Variants in DRP2 observed in about 807,000 individuals in gnomAD.
The protein encoded by DRP2 is dystrophin-related protein 2.
A neutral mutation model predicts 78.2 loss-of-function variants in DRP2; 29 were observed. The ratio of observed to expected loss-of-function variants is 0.37; its 90% CI spans 0.28 to 0.51. The LOEUF is 0.51. Among genes scored for constraint, DRP2 ranks in the 20% least tolerant of loss-of-function variants. The pLI, the probability that DRP2 is intolerant of heterozygous loss-of-function variation, is 0.94. For synonymous variants in DRP2, 290 were observed against 281.9 expected (o/e 1.03, Z -0.29); for missense variants, 686 against 770.6 (o/e 0.89, Z 1.30).
chrX:101,221,768 T>A (rs1921901424), intron 1 of DRP2, among the ~76,000 whole-genome samples: 1 of 111,925 alleles, frequency 8.9e-6, no homozygotes, highest in Non-Finnish European at 1.9e-5. Context: ...TGCTCAGAAG[T>A]TTCTGATGTT....
chrX:101,247,292 G>A, intron 12 of DRP2, 128 bp downstream of exon 12: 1 of 553,745 alleles, frequency 1.8e-6, no homozygotes, highest in Non-Finnish European at 2.9e-6. Context: ...ACTCTCCAAA[G>A]CCTGCAATAT....
Position 101,262,031 on chromosome X carries a change from T to C in DRP2, c.*1410T>C, listed in dbSNP as rs958543185. On this transcript the variant is annotated 3_prime_UTR_variant, in exon 24 of 24. Coordinates refer to ENST00000395209, the MANE Select transcript of DRP2 (RefSeq NM_001939.3). Reference sequence around the variant, plus strand: ...ATTCTACATATCTACTGTACATCAGTGCTCTCCTGGCCTCACTCACACATT... The same window carrying C: ...ATTCTACATATCTACTGTACATCAGCGCTCTCCTGGCCTCACTCACACATT... 9 of 112,199 alleles carry C rather than the reference T, an allele frequency of 8.0e-5. No individual in the cohort carries two copies. Among genetic ancestry groups the C allele is most frequent in the African/African-American group, 2.6e-4 (8 of 30,866 alleles). 9.2% of individuals were successfully genotyped at this position (112,199 alleles called of 1,213,427 possible). A position where few individuals can be genotyped will look rare whatever the true frequency, so the allele number is the denominator to read the frequency against.
intron 9 of DRP2, 55 bp from the exon 10 acceptor site, chrX:101,244,962 G>A (rs2147343633): frequency 9.2e-7 from 1 of 1,085,656 alleles, no homozygotes; most frequent in Non-Finnish European, 1.3e-6. Context: ...AGTAGCTGGG[G>A]GCCTTAAGAG....
intron 20 of DRP2, among the ~76,000 whole-genome samples, chrX:101,255,493 G>A (rs982056067): frequency 9.0e-6 from 1 of 111,531 alleles, no homozygotes; most frequent in African/African-American, 3.3e-5. Context: ...GTCCCTTCCT[G>A]TTGCAAGATC....
chrX:101,248,201 T>C lies in DRP2; in HGVS notation c.1365T>C (p.Tyr455=). ...VEVIHCLTAL[Y]ERLEEERGIL... ...TCATTCACTGCCTGACTGCCTTATA[T>C]GAACGTTTGGAGGAGGAAAGAGGCA... The change falls in exon 13 of 24, where the codon TAT becomes TAC. Residue 455 remains tyrosine (Y), a synonymous_variant. Transcript: ENST00000395209. The C allele has an allele frequency of 8.3e-7, 1 of 1,211,959 alleles. No individual in the cohort carries two copies. The highest frequency in any genetic ancestry group is 1.8e-5 in the South Asian group (1 of 56,989).
chrX:101,245,275 C>A, intron 10 of DRP2, 113 bp from the exon 11 acceptor site: 1 of 883,711 alleles, frequency 1.1e-6, no homozygotes, highest in Non-Finnish European at 1.6e-6. Context: ...TGGGTTTACC[C>A]TCGAACCCTG....
At chrX:101,237,829 C>A (rs1922567578) in intron 5 of DRP2, 54 bp downstream of exon 5, 3 of 1,039,814 alleles carry the variant, frequency 2.9e-6, no homozygotes, top group Admixed American at 6.3e-5. Context: ...GGGGAGGAAT[C>A]CCTTCTTCAG....
At chrX:101,247,196 TCAC>T in intron 12 of DRP2, 32 bp downstream of exon 12, 1 of 1,131,409 alleles carries the variant, frequency 8.8e-7, no homozygotes, top group Non-Finnish European at 1.2e-6. Context: ...CCTATGACGT[TCAC>T]CACCCCTCTC....
In DRP2 at chrX:101,247,153, A is replaced by C; in HGVS notation, c.1241A>C (p.Lys414Thr). 1.7e-6 allele frequency: 2 copies of C among 1,209,253 alleles called. No homozygotes were observed. Reference sequence around the variant, plus strand: ...GCCATGAAACTCCGCAGAGTCCAGAAAGCCCTGCGCTGTACGTCTCCTGTT... The same window carrying C: ...GCCATGAAACTCCGCAGAGTCCAGACAGCCCTGCGCTGTACGTCTCCTGTT... ...RTAMKLRRVQKALRLDLVTLT... is the reference protein window; with the variant it reads ...RTAMKLRRVQTALRLDLVTLT... Residue 414 changes from lysine (K) to threonine (T), a missense_variant, in exon 12 of 24, where the codon AAA becomes ACA. By Grantham distance (78) the Lys-to-Thr change is moderately conservative. Around this residue, in one of 2 missense-constraint regions of DRP2, gnomAD observed 423 missense variants for 531.5 expected, o/e 0.80. Coordinates refer to ENST00000395209, the MANE Select transcript of DRP2 (RefSeq NM_001939.3).
intron 2 of DRP2, 49 bp from the exon 3 acceptor site, chrX:101,231,536 T>C: frequency 1.5e-6 from 1 of 685,551 alleles, no homozygotes; most frequent in Non-Finnish European, 2.4e-6. Flanking sequence ...GCTTGATTCA[T>C]AGGCTTTTCT....
chrX:101,224,186 T>TGTTTTG (rs1569507487), intron 1 of DRP2, among the ~76,000 whole-genome samples: 1 of 70,318 alleles, frequency 1.4e-5, no homozygotes, highest in African/African-American at 6.5e-5. Flanking sequence ...TGCTGGGTTT[T>TGTTTTG]TTTTGTTTTT....
At chrX:101,260,247 G>A in intron 23 of DRP2, 78 bp downstream of exon 23, 1 of 1,159,052 alleles carries the variant, frequency 8.6e-7, no homozygotes, top group Non-Finnish European at 1.2e-6. Flanking sequence ...AGGCTTTGCG[G>A]GGCTGGGACT....
Position 101,248,577 on chromosome X carries a change from G to A in DRP2, c.1518G>A (p.Thr506=), listed in dbSNP as rs767721315. 2.5e-6 allele frequency: 3 copies of A among 1,210,252 alleles called. No individual in the cohort carries two copies. The highest frequency in any genetic ancestry group is 1.7e-5 in the African/African-American group (1 of 57,402). Residue 506 remains threonine (T), a synonymous_variant, in exon 14 of 24, where the codon ACG becomes ACA. Coordinates refer to ENST00000395209, the MANE Select transcript of DRP2 (RefSeq NM_001939.3). ...CTGGCATTGCATGCTTGTGTGGCAC[G>A]GAAGTGAAGGAAAAACTTCAGTGTG... ...FKTGIACLCG[T]EVKEKLQYLF...
At chrX:101,224,192 T>G (rs1220236399) in intron 1 of DRP2, among the ~76,000 whole-genome samples, 1 of 21,524 alleles carries the variant, frequency 4.6e-5, no homozygotes, top group South Asian at 2.7e-3. Context: ...GTTTTTTTTG[T>G]TTTTTTTTTT....
In DRP2 at chrX:101,261,386, G is replaced by A. The variant is rs1306464385; in HGVS notation, c.*765G>A. 2 of 109,773 alleles carry A rather than the reference G, an allele frequency of 1.8e-5. No homozygotes were observed. Among genetic ancestry groups the A allele is most frequent in the African/African-American group, 6.7e-5 (2 of 30,073 alleles). 9.0% of individuals were successfully genotyped at this position (109,773 alleles called of 1,213,427 possible). A position where few individuals can be genotyped will look rare whatever the true frequency, so the allele number is the denominator to read the frequency against. ...TATTTCTTAAAGTCCTCAGCATTTT[G>A]AGAGACCCACTGAGTTGCGAGTTGC... On this transcript the variant is annotated 3_prime_UTR_variant, in exon 24 of 24. Transcript: ENST00000395209.
At chrX:101,222,988 G>A (rs1352543257) in intron 1 of DRP2, among the ~76,000 whole-genome samples, 5 of 111,944 alleles carry the variant, frequency 4.5e-5, no homozygotes, top group East Asian at 5.6e-4. Flanking sequence ...TGTATCATAC[G>A]TATTCTTCTG....
intron 2 of DRP2, among the ~76,000 whole-genome samples, chrX:101,226,198 A>T (rs1285480607): frequency 8.9e-6 from 1 of 112,314 alleles, no homozygotes; most frequent in Non-Finnish European, 1.9e-5. Flanking sequence ...AAGTAGCTGT[A>T]TAGAATTCCA....
chrX:101,248,068 C>T (rs1194877068), intron 12 of DRP2, 21 bp from the exon 13 acceptor site: 1 of 1,199,949 alleles, frequency 8.3e-7, no homozygotes. Flanking sequence ...TTTTTTTTCT[C>T]TTCTCTTCTT....
At chrX:101,249,089 T>G (rs1228612046) in intron 14 of DRP2, among the ~76,000 whole-genome samples, 1 of 112,129 alleles carries the variant, frequency 8.9e-6, no homozygotes, top group African/African-American at 3.2e-5. Context: ...TTCCCCTCTG[T>G]CCTCCATCTT....
Sources: allele counts gnomAD v4.1 joint callset (sites outside exome capture counted in the v4.1 genomes callset), GRCh38; gene constraint gnomAD v4.1.1; regional missense constraint gnomAD v4.1.1; transcripts MANE v1.5; gene names NCBI Gene and HGNC (gene_info 2026-07-23, HGNC 2026-07-21).